Variants in DPYD observed in about 807,000 individuals in gnomAD.
DPYD encodes the protein dihydropyrimidine dehydrogenase [NADP(+)].
In DPYD, 109 loss-of-function variants were observed where a neutral mutation model predicts 116.2. The observed-to-expected ratio is 0.94, with a 90% confidence interval of 0.80 to 1.10. The LOEUF is 1.10. DPYD is among the 50% of genes least tolerant of loss of function. The probability of loss-of-function intolerance (pLI) is 0.00; values close to 1 mark genes in which losing one functional copy is unlikely to be tolerated. For missense variants in DPYD, 1,302 were observed against 1,254.5 expected (o/e 1.04, Z -0.57); for synonymous variants, 440 against 432.0 (o/e 1.02, Z -0.23).
intron 22 of DPYD, among the ~76,000 whole-genome samples, chr1:97,079,525 C>T (rs1427088823): frequency 4.6e-5 from 7 of 152,028 alleles, no homozygotes; most frequent in Non-Finnish European, 8.8e-5. Context: ...TCCTCCTTTT[C>T]CTCTTCACAC....
chr1:97,177,352 G>T (rs1467473526), intron 20 of DPYD, among the ~76,000 whole-genome samples: 1 of 152,228 alleles, frequency 6.6e-6, no homozygotes, highest in Non-Finnish European at 1.5e-5. Context: ...AATAAAGACT[G>T]GGAAGTATCT....
At chr1:97,372,432 G>C (rs953110735) in intron 16 of DPYD, among the ~76,000 whole-genome samples, 1 of 151,912 alleles carries the variant, frequency 6.6e-6, no homozygotes, top group African/African-American at 2.4e-5. Flanking sequence ...CCCTATACTA[G>C]ATAGTTCTGA....
intron 8 of DPYD, among the ~76,000 whole-genome samples, chr1:97,656,635 G>T (rs1198267095): frequency 6.6e-6 from 1 of 151,830 alleles, no homozygotes; most frequent in Non-Finnish European, 1.5e-5. Context: ...TTTTCCTTCT[G>T]GGCTTATGAT....
chr1:97,211,880 T>C lies in DPYD; in HGVS notation c.2443-18632A>G, dbSNP rs562643350. Among the ~76,000 whole-genome samples, 70 of 152,188 alleles carry C rather than the reference T, an allele frequency of 4.6e-4. No homozygotes were observed. The South Asian group carries it at 0.014, about 31-fold the overall frequency. On this transcript the variant is annotated intron_variant, in intron 19 of 22. Coordinates refer to ENST00000370192, the MANE Select transcript of DPYD (RefSeq NM_000110.4). ...ACATATCTTAAATAAAGGTATTATG[T>C]CATTTTCCCGTAAGACTTTGAAGAA... is the stretch of plus-strand genomic sequence containing the variant.
At chr1:97,812,020 T>C (rs1349031225) in intron 3 of DPYD, among the ~76,000 whole-genome samples, 1 of 152,180 alleles carries the variant, frequency 6.6e-6, no homozygotes, top group African/African-American at 2.4e-5. Context: ...CCTCATCAGT[T>C]ATTATATAGC....
chr1:97,630,538 T>C (rs1214702455), intron 8 of DPYD, among the ~76,000 whole-genome samples: 1 of 152,136 alleles, frequency 6.6e-6, no homozygotes, highest in Non-Finnish European at 1.5e-5. Flanking sequence ...GCTGCTTCTC[T>C]AGGACCTCAG....
At chr1:97,423,510 T>C (rs886687695) in intron 14 of DPYD, among the ~76,000 whole-genome samples, 1 of 152,076 alleles carries the variant, frequency 6.6e-6, no homozygotes, top group Non-Finnish European at 1.5e-5. Flanking sequence ...TCATGGGCAA[T>C]TGTGAGCACT....
At chr1:97,171,186 G>T (rs1656700077) in intron 20 of DPYD, among the ~76,000 whole-genome samples, 1 of 152,150 alleles carries the variant, frequency 6.6e-6, no homozygotes, top group South Asian at 2.1e-4. Context: ...ATAAACGGAA[G>T]GTCCATGGTA....
At chr1:97,636,651 CATT>C (rs2100806929) in intron 8 of DPYD, among the ~76,000 whole-genome samples, 1 of 152,226 alleles carries the variant, frequency 6.6e-6, no homozygotes, top group South Asian at 2.1e-4. Flanking sequence ...TTAAAATCAT[CATT>C]AATAACAAAC....
intron 8 of DPYD, among the ~76,000 whole-genome samples, chr1:97,596,822 T>C (rs1654920233): frequency 1.3e-5 from 2 of 152,176 alleles, no homozygotes; most frequent in South Asian, 4.1e-4. Flanking sequence ...ATCCCCTGAA[T>C]CTCCTTTTCC....
At chr1:97,086,981 T>C (rs1166768829) in intron 21 of DPYD, among the ~76,000 whole-genome samples, 3 of 152,228 alleles carry the variant, frequency 2.0e-5, no homozygotes, top group Non-Finnish European at 4.4e-5. Context: ...TATCTTTTTA[T>C]GGTATATTCA....
intron 12 of DPYD, among the ~76,000 whole-genome samples, chr1:97,530,176 A>G (rs1334164557): frequency 7.6e-6 from 1 of 131,124 alleles, no homozygotes; most frequent in Non-Finnish European, 1.7e-5. Context: ...TCTGACTAAT[A>G]TTCTCTTGGA....
At chr1:97,468,941 T>C (rs1677478071) in intron 13 of DPYD, among the ~76,000 whole-genome samples, 1 of 152,138 alleles carries the variant, frequency 6.6e-6, no homozygotes, top group South Asian at 2.1e-4. Flanking sequence ...TAATAATGGA[T>C]TCCAAAAAAA....
chr1:97,857,847 G>A (rs1057469244), intron 2 of DPYD, among the ~76,000 whole-genome samples: 1 of 151,956 alleles, frequency 6.6e-6, no homozygotes, highest in African/African-American at 2.4e-5. Flanking sequence ...GTGCAGTCTC[G>A]AGGCCTGAGC....
intron 3 of DPYD, among the ~76,000 whole-genome samples, chr1:97,793,274 G>C (rs1053789297): frequency 7.9e-5 from 12 of 152,146 alleles, no homozygotes; most frequent in Non-Finnish European, 1.3e-4. Context: ...ATTTTGTTAA[G>C]ATGGTGATTC....
At chr1:97,637,137 C>A (rs1657614138) in intron 8 of DPYD, among the ~76,000 whole-genome samples, 1 of 152,120 alleles carries the variant, frequency 6.6e-6, no homozygotes, top group Non-Finnish European at 1.5e-5. Context: ...AGGAAGAAGA[C>A]TAAGAGTACA....
At chr1:97,905,947 T>G (rs920779646) in intron 1 of DPYD, among the ~76,000 whole-genome samples, 1 of 152,072 alleles carries the variant, frequency 6.6e-6, no homozygotes, top group African/African-American at 2.4e-5. Context: ...AACCTTTCTA[T>G]GTCCTTGGTT....
intron 11 of DPYD, among the ~76,000 whole-genome samples, chr1:97,557,342 C>G (rs1188404836): frequency 1.6e-5 from 2 of 124,420 alleles, no homozygotes; most frequent in Non-Finnish European, 3.2e-5. Flanking sequence ...GAGTCTCACT[C>G]TGCCGCCCAG....
chr1:97,139,211 T>C (rs1008965960), intron 20 of DPYD, among the ~76,000 whole-genome samples: 2 of 152,188 alleles, frequency 1.3e-5, no homozygotes, highest in African/African-American at 2.4e-5. Context: ...TCATCGGTGA[T>C]GAACAAGTCA....
Sources: allele counts gnomAD v4.1 joint callset (sites outside exome capture counted in the v4.1 genomes callset), GRCh38; gene constraint gnomAD v4.1.1; transcripts MANE v1.5; gene names NCBI Gene and HGNC (gene_info 2026-07-23, HGNC 2026-07-21).